The following SMCO4 variants were observed in gnomAD, a reference collection of about 807,000 sequenced individuals.
SMCO4 encodes the protein single-pass membrane and coiled-coil domain-containing protein 4.
Under a neutral mutation model 3.6 loss-of-function variants are expected in SMCO4, and 4 were observed. The observed-to-expected ratio is 1.11, with a 90% CI of 0.54 to 2.53. The LOEUF (loss-of-function observed/expected upper bound fraction) is 2.53, where lower values mean the gene tolerates loss of function less well. Among genes scored for constraint, SMCO4 ranks in the 30% most tolerant of loss-of-function variants. SMCO4 has a pLI of 0.02. For missense variants in SMCO4, 70 were observed against 80.8 expected, an observed-to-expected ratio of 0.87 and a Z score of 0.51; for synonymous variants, 36 against 35.3, an observed-to-expected ratio of 1.02 and a Z score of -0.07.
chr11:93,496,911 G>A (rs1339247011), intron 2 of SMCO4, among the ~76,000 whole-genome samples: 1 of 152,120 alleles, frequency 6.6e-6, no homozygotes, highest in Non-Finnish European at 1.5e-5. Flanking sequence ...GGGCCCCAAC[G>A]CTTACACTAT....
At chr11:93,538,179 G>A (rs929726478) in intron 1 of SMCO4, among the ~76,000 whole-genome samples, 6 of 152,194 alleles carry the variant, frequency 3.9e-5, no homozygotes, top group Non-Finnish European at 7.3e-5. Flanking sequence ...TCTGATGCCC[G>A]CTTCCCTGAG....
chr11:93,493,202 C>T (rs1163762493), intron 2 of SMCO4, among the ~76,000 whole-genome samples: 1 of 152,180 alleles, frequency 6.6e-6, no homozygotes, highest in Non-Finnish European at 1.5e-5. Context: ...ATTGATCTTG[C>T]CACTGGTCCA....
At chr11:93,552,239 C>A in the SMCO4 span, among the ~76,000 whole-genome samples, 1 of 142,360 alleles carries the variant, frequency 7.0e-6, no homozygotes, top group Non-Finnish European at 1.5e-5. Flanking sequence ...TCACTGCAAT[C>A]TCCTCCTCCA....
chr11:93,529,046 G>A (rs1330271563), intron 1 of SMCO4, among the ~76,000 whole-genome samples: 2 of 152,106 alleles, frequency 1.3e-5, no homozygotes, highest in Non-Finnish European at 2.9e-5. Flanking sequence ...CCCACTCGTG[G>A]GCAAGGCCTT....
intron 1 of SMCO4, among the ~76,000 whole-genome samples, chr11:93,519,373 G>A (rs528240304): frequency 2.0e-5 from 3 of 152,344 alleles, no homozygotes; most frequent in Admixed American, 6.5e-5. Flanking sequence ...TGACATGACA[G>A]GAATGGCTGG....
chr11:93,543,043 G>A (rs1444631552), intron 1 of SMCO4, among the ~76,000 whole-genome samples: 3 of 151,816 alleles, frequency 2.0e-5, no homozygotes, highest in Non-Finnish European at 4.4e-5. Context: ...GCCGCGACGG[G>A]CAGGCGAGCT....
chr11:93,479,352 G>A (rs1328004847), intron 2 of SMCO4, 83 bp from the exon 3 acceptor site: 2 of 1,263,490 alleles, frequency 1.6e-6, no homozygotes, highest in South Asian at 2.0e-5. Context: ...ACACAACTAG[G>A]AAAAATATCT....
chr11:93,536,285 T>G (rs578111303), intron 1 of SMCO4, among the ~76,000 whole-genome samples: 2 of 152,308 alleles, frequency 1.3e-5, no homozygotes, highest in Non-Finnish European at 2.9e-5. Flanking sequence ...CTGCAACATT[T>G]TAAATGAATT....
At position 93,496,049 on chromosome 11, in the gene SMCO4, G is replaced by C. The variant is rs751187375; in HGVS notation, c.-81+3227C>G. On this transcript the variant is annotated intron_variant, in intron 2 of 2. Coordinates refer to ENST00000298966, the MANE Select transcript of SMCO4 (RefSeq NM_020179.3). Reference sequence around the variant, plus strand: ...TGCAGTCCACTCCATGGGCTGCACTGGGCTTATGTGTTTCATCAAGTGCAG... The same window carrying C: ...TGCAGTCCACTCCATGGGCTGCACTCGGCTTATGTGTTTCATCAAGTGCAG... 9.9e-5 allele frequency among the ~76,000 whole-genome samples: 15 copies of C among 152,134 alleles called. 1 individual carries two copies. The highest frequency in any genetic ancestry group is 6.5e-5 in the Admixed American group (1 of 15,270).
At chr11:93,547,178 C>A (rs527509702), upstream of SMCO4, among the ~76,000 whole-genome samples, 1 of 152,306 alleles carries the variant, frequency 6.6e-6, no homozygotes, top group Admixed American at 6.5e-5. Flanking sequence ...TGAGGCTCAA[C>A]CAGTGGAACA....
chr11:93,550,395 C>G, the SMCO4 span, among the ~76,000 whole-genome samples: 1 of 152,162 alleles, frequency 6.6e-6, no homozygotes, highest in Non-Finnish European at 1.5e-5. Flanking sequence ...CATGGTGCCT[C>G]ATGCCTGTAA....
intron 1 of SMCO4, chr11:93,535,803 A>AGCAGCAGCAGCAGCAGCG: frequency 6.2e-7 from 1 of 1,613,848 alleles, no homozygotes; most frequent in African/African-American, 1.3e-5. Context: ...CAGCAGCAGC[A>AGCAGCAGCAGCAGCAGCG]GCAACAGCAG....
intron 1 of SMCO4, among the ~76,000 whole-genome samples, chr11:93,505,018 G>A (rs1378265085): frequency 6.6e-6 from 1 of 152,182 alleles, no homozygotes; most frequent in African/African-American, 2.4e-5. Flanking sequence ...CTATCAATAT[G>A]TACAAGTACT....
chr11:93,535,616 A>G (rs905199030), intron 1 of SMCO4: 1 of 1,571,336 alleles, frequency 6.4e-7, no homozygotes, highest in Non-Finnish European at 8.7e-7. Flanking sequence ...GAGGGCTTTG[A>G]GCCTGCAGAC....
At chr11:93,507,636 C>T (rs1948920103) in intron 1 of SMCO4, among the ~76,000 whole-genome samples, 1 of 152,188 alleles carries the variant, frequency 6.6e-6, no homozygotes, top group South Asian at 2.1e-4. Context: ...GGACAACAGA[C>T]TTTAATGTAA....
At chr11:93,491,969 A>G (rs1948722963) in intron 2 of SMCO4, among the ~76,000 whole-genome samples, 2 of 152,246 alleles carry the variant, frequency 1.3e-5, no homozygotes, top group Non-Finnish European at 2.9e-5. Flanking sequence ...AACATCTTTA[A>G]AATGGAAAAT....
intron 1 of SMCO4, among the ~76,000 whole-genome samples, chr11:93,526,218 C>T (rs1244149505): frequency 6.6e-6 from 1 of 152,086 alleles, no homozygotes; most frequent in Non-Finnish European, 1.5e-5. Flanking sequence ...CCCTCCCCTC[C>T]CCAGGGGCAG....
intron 1 of SMCO4, among the ~76,000 whole-genome samples, 180 bp downstream of exon 1, chr11:93,543,096 C>T (rs1191819130): frequency 1.3e-5 from 2 of 151,600 alleles, no homozygotes; most frequent in East Asian, 2.0e-4. Context: ...GAGTTGCGCT[C>T]GGGACCCGCC....
intron 2 of SMCO4, among the ~76,000 whole-genome samples, chr11:93,493,527 G>A (rs1441136290): frequency 6.6e-6 from 1 of 152,100 alleles, no homozygotes; most frequent in Admixed American, 6.6e-5. Flanking sequence ...TGCCATTACC[G>A]AGTCCTCAGC....
Sources: allele counts gnomAD v4.1 joint callset (sites outside exome capture counted in the v4.1 genomes callset), GRCh38; gene constraint gnomAD v4.1.1; transcripts MANE v1.5; gene names NCBI Gene and HGNC (gene_info 2026-07-23, HGNC 2026-07-21).